The following GRIK1 variants were observed in gnomAD, a reference collection of about 807,000 sequenced individuals.
GRIK1 encodes the protein glutamate ionotropic receptor kainate type subunit 1, also known as glutamate receptor ionotropic, kainate 1.
Under a neutral mutation model 105.7 loss-of-function variants are expected in GRIK1, and 69 were observed. The observed-to-expected ratio is 0.65, with a 90% CI of 0.54 to 0.80. The LOEUF (loss-of-function observed/expected upper bound fraction) is 0.80. Ranked by LOEUF, GRIK1 falls within the 30% of genes least tolerant of loss-of-function variation. GRIK1 has a pLI of 0.00. For missense variants in GRIK1, 1,109 were observed against 1,167.3 expected, an observed-to-expected ratio of 0.95 and a Z score of 0.73; for synonymous variants, 438 against 431.3, an observed-to-expected ratio of 1.02 and a Z score of -0.19.
intron 14 of GRIK1, among the ~76,000 whole-genome samples, chr21:29,564,272 C>G (rs984910387): frequency 4.6e-5 from 7 of 151,524 alleles, no homozygotes; most frequent in Non-Finnish European, 8.9e-5. Context: ...CTCAGCCTCC[C>G]AAGTAGCTGG....
intron 1 of GRIK1, among the ~76,000 whole-genome samples, chr21:29,817,020 A>G (rs1911636397): frequency 6.6e-6 from 1 of 152,152 alleles, no homozygotes; most frequent in African/African-American, 2.4e-5. Flanking sequence ...TATTGCATGC[A>G]TGCATCAAAA....
chr21:29,680,216 C>G (rs2063344598), intron 3 of GRIK1, among the ~76,000 whole-genome samples: 1 of 152,200 alleles, frequency 6.6e-6, no homozygotes, highest in South Asian at 2.1e-4. Flanking sequence ...ACAGTTCCCT[C>G]AAAGACCCTA....
At chr21:29,717,946 TG>T (rs2064219066) in intron 1 of GRIK1, among the ~76,000 whole-genome samples, 2 of 152,140 alleles carry the variant, frequency 1.3e-5, no homozygotes, top group Admixed American at 1.3e-4. Context: ...AATTGAATCA[TG>T]GGGGTGGTTA....
At chr21:29,571,600 C>G (rs2090752233) in intron 14 of GRIK1, among the ~76,000 whole-genome samples, 1 of 152,184 alleles carries the variant, frequency 6.6e-6, no homozygotes, top group Admixed American at 6.5e-5. Context: ...GCACACATTT[C>G]AAGGACAAAC....
intron 1 of GRIK1, among the ~76,000 whole-genome samples, chr21:29,765,941 T>A (rs1056541295): frequency 1.3e-5 from 2 of 151,660 alleles, no homozygotes; most frequent in African/African-American, 4.8e-5. Flanking sequence ...AAGTTCCACC[T>A]CCCGGGTTCA....
At chr21:29,737,217 A>T (rs1459614108) in intron 1 of GRIK1, among the ~76,000 whole-genome samples, 2 of 152,066 alleles carry the variant, frequency 1.3e-5, no homozygotes, top group African/African-American at 4.8e-5. Flanking sequence ...TCTTGGCGAG[A>T]CTCTGGCCTG....
intron 1 of GRIK1, among the ~76,000 whole-genome samples, chr21:29,822,011 G>A (rs928612533): frequency 1.3e-5 from 2 of 150,974 alleles, no homozygotes; most frequent in East Asian, 3.9e-4. Flanking sequence ...TCAAACTTGT[G>A]TTGTTCAAAG....
chr21:29,843,608 T>C (rs1213200408), intron 1 of GRIK1, among the ~76,000 whole-genome samples: 1 of 152,188 alleles, frequency 6.6e-6, no homozygotes, highest in Admixed American at 6.5e-5. Context: ...TTAAAGGATT[T>C]CTTATTTTAG....
intron 8 of GRIK1, among the ~76,000 whole-genome samples, chr21:29,597,867 T>C (rs530427681): frequency 6.6e-6 from 1 of 152,296 alleles, no homozygotes; most frequent in South Asian, 2.1e-4. Context: ...AAATGTGTCC[T>C]GGTTAACAAA....
intron 1 of GRIK1, among the ~76,000 whole-genome samples, chr21:29,937,979 A>G (rs1395059066): frequency 6.6e-6 from 1 of 152,192 alleles, no homozygotes; most frequent in African/African-American, 2.4e-5. Flanking sequence ...ATGCACATTA[A>G]AATTACCCAT....
At chr21:29,858,409 C>T (rs2068531702) in intron 1 of GRIK1, among the ~76,000 whole-genome samples, 1 of 152,076 alleles carries the variant, frequency 6.6e-6, no homozygotes, top group Non-Finnish European at 1.5e-5. Flanking sequence ...CCCAGTGTCT[C>T]CCTGGAACCT....
At chr21:29,639,073 G>A (rs1016700) in intron 7 of GRIK1, among the ~76,000 whole-genome samples, 67,819 of 151,974 alleles carry the variant, frequency 0.45, 16,342 homozygotes, top group African/African-American at 0.64. Flanking sequence ...CTCTCCTATC[G>A]AAACCTATGG....
At chr21:29,587,998 G>A (rs28415670) in intron 11 of GRIK1, among the ~76,000 whole-genome samples, 4,143 of 81,444 alleles carry the variant, frequency 0.051, 270 homozygotes, top group African/African-American at 0.21. Flanking sequence ...TTTGTGAGGC[G>A]GAGTCTCACT....
intron 1 of GRIK1, among the ~76,000 whole-genome samples, chr21:29,705,873 C>CTTTTTTTTTTTTTTTTTTTTTTTT (rs1325677911): frequency 7.4e-6 from 1 of 135,730 alleles, no homozygotes; most frequent in African/African-American, 2.7e-5. Flanking sequence ...CTTTTCTTTT[C>CTTTTTTTTTTTTTTTTTTTTTTTT]TTTTTTTTTT....
At position 29,813,433 on chromosome 21, in the gene GRIK1, T is replaced by A. The variant is rs79157062; in HGVS notation, c.119-119370A>T. Among the ~76,000 whole-genome samples, 4 of 152,106 alleles carry A rather than the reference T, an allele frequency of 2.6e-5. No homozygotes were observed. In the East Asian group the frequency reaches 7.7e-4, roughly 29 times the overall value. ...TTAGGAGCACAAGAGAAAGCAGAGA[T>A]TGAGAAATCTCTGGGAAAATCCAAT... On this transcript the variant is annotated intron_variant, in intron 1 of 17. Transcript: ENST00000327783.
At chr21:29,660,841 A>G (rs1255229462) in intron 4 of GRIK1, among the ~76,000 whole-genome samples, 3 of 152,234 alleles carry the variant, frequency 2.0e-5, no homozygotes, top group African/African-American at 7.2e-5. Flanking sequence ...ATGTGTGAAC[A>G]TGCAATGTGG....
intron 1 of GRIK1, among the ~76,000 whole-genome samples, chr21:29,783,081 A>T (rs2066167532): frequency 6.6e-6 from 1 of 152,196 alleles, no homozygotes; most frequent in Non-Finnish European, 1.5e-5. Flanking sequence ...CCCATTCTTG[A>T]ACAATGCTTA....
At chr21:29,630,515 G>A (rs2062242907) in intron 7 of GRIK1, 1 of 471,534 alleles carries the variant, frequency 2.1e-6, no homozygotes, top group African/African-American at 2.0e-5. Flanking sequence ...AGAAAACAGA[G>A]ATTTGCTCTC....
intron 14 of GRIK1, among the ~76,000 whole-genome samples, chr21:29,569,146 A>G (rs1269255333): frequency 1.3e-5 from 2 of 152,216 alleles, no homozygotes; most frequent in African/African-American, 4.8e-5. Flanking sequence ...CACTGCAGAG[A>G]TGACTGACAG....
Sources: allele counts gnomAD v4.1 joint callset (sites outside exome capture counted in the v4.1 genomes callset), GRCh38; gene constraint gnomAD v4.1.1; transcripts MANE v1.5; gene names NCBI Gene and HGNC (gene_info 2026-07-23, HGNC 2026-07-21).